PGM2L1: variants seen among roughly 807,000 people sequenced by gnomAD.
PGM2L1 encodes the protein glucose 1,6-bisphosphate synthase.
PGM2L1 carries 35 observed loss-of-function variants against 73.4 expected under a neutral mutation model. The observed-to-expected ratio is 0.48, with a 90% CI of 0.36 to 0.63. PGM2L1 has a LOEUF of 0.63. PGM2L1 is among the 30% of genes least tolerant of loss of function. The pLI is 0.00. For synonymous variants in PGM2L1, 225 were observed against 253.8 expected (o/e 0.89, Z 1.08); for missense variants, 570 against 742.0 (o/e 0.77, Z 2.69).
chr11:74,384,656 CTTGTTG>C (rs972308069), intron 1 of PGM2L1, among the ~76,000 whole-genome samples: 3 of 151,948 alleles, frequency 2.0e-5, no homozygotes, highest in Non-Finnish European at 4.4e-5. Context: ...CTCCAGGAAA[CTTGTTG>C]TTGTTGTTGT....
chr11:74,347,012 T>G, intron 7 of PGM2L1, 136 bp downstream of exon 7: 1 of 971,730 alleles, frequency 1.0e-6, no homozygotes, highest in Non-Finnish European at 1.5e-6. Flanking sequence ...ACACAGCCTA[T>G]TATTACTCCA....
intron 5 of PGM2L1, chr11:74,355,415 G>C (rs1005132624): frequency 1.9e-6 from 1 of 519,386 alleles, no homozygotes; most frequent in Admixed American, 2.9e-5. Flanking sequence ...TTAGCCGGGC[G>C]TGGTAGCGGT....
rs1406685419 is a variant in PGM2L1 at position 74,354,515 on chromosome 11, AC to A, written c.556-2940del. The A allele has an allele frequency of 4.8e-6, 6 of 1,248,258 alleles. No homozygotes were observed. In the East Asian group the frequency reaches 1.4e-4, roughly 29 times the overall value. 77.3% of individuals were successfully genotyped at this position (1,248,258 alleles called of 1,614,324 possible). ...CTTTATTGGAGGGTTGAGCTTTGAAACAACCGATGAGAGCCTGAGGAGCCAT... is the reference window on the plus strand; with the variant it reads ...CTTTATTGGAGGGTTGAGCTTTGAAAAACCGATGAGAGCCTGAGGAGCCAT... On this transcript the variant is annotated intron_variant, in intron 5 of 13. Coordinates refer to ENST00000298198, the MANE Select transcript of PGM2L1 (RefSeq NM_173582.6).
At chr11:74,377,358 C>T (rs1159618568) in intron 1 of PGM2L1, among the ~76,000 whole-genome samples, 1 of 152,112 alleles carries the variant, frequency 6.6e-6, no homozygotes, top group African/African-American at 2.4e-5. Flanking sequence ...TGGTCTCGAT[C>T]TCCTGACCTC....
rs756968407 is a variant in PGM2L1 at position 74,336,637 on chromosome 11, C to T, written c.*15G>A. ...TCCATATGCCCACACAGTGTCATGA[C>T]ATATTGGTGTACCCCTAAACAGAAC... is the stretch of plus-strand genomic sequence containing the variant. On this transcript the variant is annotated 3_prime_UTR_variant, in exon 14 of 14. Coordinates refer to ENST00000298198, the MANE Select transcript of PGM2L1 (RefSeq NM_173582.6). The T allele has an allele frequency of 2.3e-5, 36 of 1,552,576 alleles. No individual in the cohort carries two copies. Among genetic ancestry groups the T allele is most frequent in the Admixed American group, 1.2e-4 (7 of 56,296 alleles).
intron 1 of PGM2L1, among the ~76,000 whole-genome samples, chr11:74,393,826 T>C (rs1688994503): frequency 6.6e-6 from 1 of 152,154 alleles, no homozygotes; most frequent in South Asian, 2.1e-4. Context: ...ACTGACCCCA[T>C]CCACTTTGCC....
intron 5 of PGM2L1, among the ~76,000 whole-genome samples, chr11:74,365,804 C>T (rs1311315376): frequency 4.6e-5 from 7 of 152,286 alleles, no homozygotes; most frequent in South Asian, 2.1e-4. Context: ...GACAGTGTGG[C>T]GATTCCTCAA....
At chr11:74,354,220 C>T (rs1377505866) in intron 5 of PGM2L1, among the ~76,000 whole-genome samples, 1 of 152,090 alleles carries the variant, frequency 6.6e-6, no homozygotes, top group Non-Finnish European at 1.5e-5. Context: ...AAATGAACTC[C>T]TATCAGCTTA....
chr11:74,397,786 C>G, intron 1 of PGM2L1: 1 of 273,124 alleles, frequency 3.7e-6, no homozygotes, highest in Non-Finnish European at 6.6e-6. Context: ...GAAGACAGCA[C>G]TTGAAAGGAA....
At position 74,342,547 on chromosome 11, in the gene PGM2L1, A is replaced by T; in HGVS notation, c.1546T>A (p.Tyr516Asn). 6.2e-7 allele frequency: 1 copy of T among 1,609,506 alleles called. No homozygotes were observed. Among genetic ancestry groups the T allele is most frequent in the Non-Finnish European group, 8.5e-7 (1 of 1,177,098 alleles). ...RLRNFDSPKE[Y>N]PKFCGTFAIL... Reference sequence around the variant, plus strand: ...GCAAATGTTCCACAAAATTTTGGATATTCTTTTGGAGAATCAAAATTACGA... The same window carrying T: ...GCAAATGTTCCACAAAATTTTGGATTTTCTTTTGGAGAATCAAAATTACGA... The change falls in exon 12 of 14, where the codon TAT becomes AAT. Residue 516 changes from tyrosine (Y) to asparagine (N), a missense_variant. Coordinates refer to ENST00000298198, the MANE Select transcript of PGM2L1 (RefSeq NM_173582.6).
chr11:74,359,280 T>A (rs1862514271), intron 5 of PGM2L1, among the ~76,000 whole-genome samples: 1 of 150,630 alleles, frequency 6.6e-6, no homozygotes, highest in Admixed American at 6.6e-5. Flanking sequence ...TTCATTTTCT[T>A]TTTTTTTTCT....
chr11:74,362,068 A>G (rs1862573358), intron 5 of PGM2L1, among the ~76,000 whole-genome samples: 1 of 152,224 alleles, frequency 6.6e-6, no homozygotes, highest in African/African-American at 2.4e-5. Context: ...ATACTCCTCA[A>G]GAAGAGCAAC....
At chr11:74,372,790 A>C (rs1174984489) in intron 2 of PGM2L1, among the ~76,000 whole-genome samples, 1 of 152,202 alleles carries the variant, frequency 6.6e-6, no homozygotes, top group African/African-American at 2.4e-5. Flanking sequence ...TGGTAGCACC[A>C]AACAAAGTCC....
chr11:74,387,415 A>T (rs1274038230), intron 1 of PGM2L1, among the ~76,000 whole-genome samples: 10 of 152,236 alleles, frequency 6.6e-5, no homozygotes, highest in African/African-American at 2.4e-4. Flanking sequence ...GAGACTTTCT[A>T]CATGAAAGCA....
In PGM2L1 at chr11:74,332,810, C is replaced by T. The variant is rs564036651; in HGVS notation, c.*3842G>A. On this transcript the variant is annotated 3_prime_UTR_variant, in exon 14 of 14. Transcript: ENST00000298198. ...TCCAAAGTATCCAATCTCTTAGAAC[C>T]TCTCCATCTGCTAACGTATCTACAT... 1 of 152,510 alleles carries T rather than the reference C, an allele frequency of 6.6e-6. No individual in the cohort carries two copies. Among genetic ancestry groups the T allele is most frequent in the African/African-American group, 2.4e-5 (1 of 41,536 alleles). The allele number at this position is 152,510 out of a possible 1,614,324, so 9.4% of individuals were successfully genotyped here.
intron 10 of PGM2L1, 48 bp from the exon 11 acceptor site, chr11:74,343,062 A>T (rs200196268): frequency 3.2e-6 from 5 of 1,544,062 alleles, no homozygotes; most frequent in Middle Eastern, 1.7e-4. Context: ...TTAAGGCTAT[A>T]ATTTCAATAG....
At position 74,335,816 on chromosome 11, in the gene PGM2L1, C is replaced by T. The variant is rs7941916; in HGVS notation, c.*836G>A. 82,688 of 152,450 alleles carry T rather than the reference C, an allele frequency of 0.54. 24,730 individuals carry two copies. The highest frequency in any genetic ancestry group is 0.8 in the East Asian group (4,151 of 5,170). 9.4% of individuals were successfully genotyped at this position (152,450 alleles called of 1,614,324 possible). A position where few individuals can be genotyped will look rare whatever the true frequency, so the allele number is the denominator to read the frequency against. On this transcript the variant is annotated 3_prime_UTR_variant, in exon 14 of 14. Transcript: ENST00000298198. ...TATATTCCTAAGATTTTAAAATCAG[C>T]AAACTCACTTGATATAGAGGAAGCA...
chr11:74,342,363 G>T, intron 12 of PGM2L1, 98 bp downstream of exon 12: 1 of 945,646 alleles, frequency 1.1e-6, no homozygotes, highest in Non-Finnish European at 1.5e-6. Flanking sequence ...GAGGAAACTG[G>T]ATTGAATCTC....
At chr11:74,368,879 G>T (rs1242272943) in intron 4 of PGM2L1, among the ~76,000 whole-genome samples, 1 of 151,810 alleles carries the variant, frequency 6.6e-6, no homozygotes, top group Non-Finnish European at 1.5e-5. Flanking sequence ...TCTAAGTAGG[G>T]CTTTAGTTAT....
Sources: allele counts gnomAD v4.1 joint callset (sites outside exome capture counted in the v4.1 genomes callset), GRCh38; gene constraint gnomAD v4.1.1; transcripts MANE v1.5; gene names NCBI Gene and HGNC (gene_info 2026-07-23, HGNC 2026-07-21).